MARCHF1: variants seen among roughly 807,000 people sequenced by gnomAD.
MARCHF1 encodes the protein E3 ubiquitin-protein ligase MARCHF1.
A neutral mutation model predicts 54.2 loss-of-function variants in MARCHF1; 40 were observed. The observed-to-expected ratio is 0.74, with a 90% CI of 0.57 to 0.96. MARCHF1 has a LOEUF of 0.96. MARCHF1 is among the 40% of genes least tolerant of loss of function. The probability of loss-of-function intolerance (pLI) is 0.00; values close to 1 mark genes in which losing one functional copy is unlikely to be tolerated. For synonymous variants in MARCHF1, 236 were observed against 236.3 expected (o/e 1.00, Z 0.01); for missense variants, 586 against 656.5 (o/e 0.89, Z 1.17).
At chr4:164,371,774 C>G (rs1309690287) in intron 1 of MARCHF1, among the ~76,000 whole-genome samples, 1 of 152,158 alleles carries the variant, frequency 6.6e-6, no homozygotes, top group African/African-American at 2.4e-5. Flanking sequence ...AAAGATAGAT[C>G]TCTAAAGATT....
At chr4:163,728,741 T>G (rs976388315) in intron 4 of MARCHF1, among the ~76,000 whole-genome samples, 5 of 152,240 alleles carry the variant, frequency 3.3e-5, no homozygotes, top group African/African-American at 1.2e-4. Context: ...TCATATTTCA[T>G]GAACAAAGAC....
chr4:163,824,728 C>T (rs1239814569), intron 4 of MARCHF1, among the ~76,000 whole-genome samples: 2 of 86,148 alleles, frequency 2.3e-5, no homozygotes. Context: ...AGAAAATTTT[C>T]ACAACCTACT....
At chr4:164,049,303 C>G (rs1053649494) in intron 2 of MARCHF1, among the ~76,000 whole-genome samples, 5 of 152,150 alleles carry the variant, frequency 3.3e-5, no homozygotes, top group African/African-American at 1.2e-4. Context: ...GAACCACCCC[C>G]GTGATTCAAT....
intron 3 of MARCHF1, among the ~76,000 whole-genome samples, chr4:163,960,400 C>T (rs1348482091): frequency 2.0e-5 from 3 of 152,022 alleles, no homozygotes; most frequent in Non-Finnish European, 2.9e-5. Context: ...GACATGGAAT[C>T]AACCTAAATG....
intron 1 of MARCHF1, among the ~76,000 whole-genome samples, chr4:164,372,280 C>A (rs1328566489): frequency 6.6e-6 from 1 of 152,106 alleles, no homozygotes; most frequent in Admixed American, 6.6e-5. Flanking sequence ...AAAACTCTTT[C>A]TAGAAGTGAA....
chr4:164,041,217 T>C (rs1290578148), intron 2 of MARCHF1, among the ~76,000 whole-genome samples: 3 of 152,108 alleles, frequency 2.0e-5, no homozygotes, highest in Non-Finnish European at 4.4e-5. Context: ...AAAATATTTT[T>C]TATAGGTCAA....
chr4:163,642,479 C>T (rs1019834085), intron 5 of MARCHF1, among the ~76,000 whole-genome samples: 2 of 152,120 alleles, frequency 1.3e-5, no homozygotes, highest in Non-Finnish European at 1.5e-5. Context: ...CACTTCGGTT[C>T]TGGGTGAATC....
At chr4:163,836,866 C>G (rs557176727) in intron 4 of MARCHF1, among the ~76,000 whole-genome samples, 55 of 151,668 alleles carry the variant, frequency 3.6e-4, no homozygotes, top group East Asian at 1.2e-3. Context: ...GGAAGCCTCA[C>G]AGAGTAACTG....
intron 2 of MARCHF1, among the ~76,000 whole-genome samples, chr4:164,069,054 A>C (rs916184358): frequency 6.6e-6 from 1 of 152,040 alleles, no homozygotes. Flanking sequence ...CTCTGTATCT[A>C]GCTCAAGGTT....
intron 3 of MARCHF1, among the ~76,000 whole-genome samples, chr4:163,889,213 G>C (rs896830780): frequency 3.3e-5 from 5 of 152,070 alleles, no homozygotes; most frequent in African/African-American, 9.7e-5. Context: ...CTCACTATGC[G>C]CCAGGCACTG....
chr4:164,016,036 G>T (rs1331786045), intron 2 of MARCHF1, among the ~76,000 whole-genome samples: 1 of 152,052 alleles, frequency 6.6e-6, no homozygotes, highest in African/African-American at 2.4e-5. Flanking sequence ...ACCCACAACA[G>T]CTAAGATATG....
In MARCHF1 at chr4:163,585,811, G is replaced by A. The variant is rs756759235; in HGVS notation, c.1129C>T (p.Arg377Cys). The A allele has an allele frequency of 2.5e-6, 4 of 1,613,828 alleles. No homozygotes were observed. The highest frequency in any genetic ancestry group is 2.7e-5 in the African/African-American group (2 of 74,894). The part of the protein sequence containing the change: ...LHQWIKSSDT[R>C]CCELCKYDFI... ...TCATACTTGCAGAGCTCACAGCAGCGTGTATCTGAGCTCTTTATCCACTGG... is the reference window on the plus strand; with the variant it reads ...TCATACTTGCAGAGCTCACAGCAGCATGTATCTGAGCTCTTTATCCACTGG... Residue 377 changes from arginine to cysteine, a missense_variant, in exon 8 of 10, where the codon CGC becomes TGC. This residue lies in a region of MARCHF1 where 93 missense variants were observed against 168.2 expected (regional missense o/e 0.55). Transcript: ENST00000514618.
At chr4:164,094,024 A>C (rs1427142617) in intron 2 of MARCHF1, among the ~76,000 whole-genome samples, 1 of 152,088 alleles carries the variant, frequency 6.6e-6, no homozygotes, top group African/African-American at 2.4e-5. Flanking sequence ...TCACCTCTCT[A>C]GGTTTCAGTA....
chr4:163,748,687 TC>T (rs1406728144), intron 4 of MARCHF1, among the ~76,000 whole-genome samples: 3 of 152,200 alleles, frequency 2.0e-5, no homozygotes, highest in African/African-American at 7.2e-5. Context: ...GGGCCAGGGA[TC>T]GCCTTTCAAG....
At chr4:164,149,201 T>C (rs1729861689) in intron 1 of MARCHF1, among the ~76,000 whole-genome samples, 1 of 152,222 alleles carries the variant, frequency 6.6e-6, no homozygotes, top group African/African-American at 2.4e-5. Flanking sequence ...GCTGAGCAGA[T>C]GCTGGTGCCA....
intron 1 of MARCHF1, among the ~76,000 whole-genome samples, chr4:164,290,040 C>A (rs928378448): frequency 6.6e-6 from 1 of 152,082 alleles, no homozygotes; most frequent in African/African-American, 2.4e-5. Context: ...CACATACACA[C>A]ACACAGACAC....
chr4:163,691,564 T>G (rs1462560689), intron 5 of MARCHF1, among the ~76,000 whole-genome samples: 2 of 152,038 alleles, frequency 1.3e-5, no homozygotes, highest in East Asian at 3.9e-4. Context: ...TGGAAAAAGG[T>G]GAAAGGAATC....
At chr4:163,626,360 G>T in intron 5 of MARCHF1, among the ~76,000 whole-genome samples, 1 of 152,174 alleles carries the variant, frequency 6.6e-6, no homozygotes, top group East Asian at 1.9e-4. Context: ...AGATTCTAAA[G>T]TGGTTGCTTC....
intron 2 of MARCHF1, among the ~76,000 whole-genome samples, chr4:163,994,582 T>A (rs989234156): frequency 2.0e-5 from 3 of 151,476 alleles, no homozygotes; most frequent in South Asian, 2.1e-4. Flanking sequence ...TAATAACATT[T>A]AAAAAAAAGA....
Sources: allele counts gnomAD v4.1 joint callset (sites outside exome capture counted in the v4.1 genomes callset), GRCh38; gene constraint gnomAD v4.1.1; regional missense constraint gnomAD v4.1.1; transcripts MANE v1.5; gene names NCBI Gene and HGNC (gene_info 2026-07-23, HGNC 2026-07-21).